NCK1: variants seen among roughly 807,000 people sequenced by gnomAD.
The protein encoded by NCK1 is NCK adaptor protein 1, also known as SH2/SH3 adapter protein NCK1.
NCK1 carries 19 observed loss-of-function variants against 36.6 expected under a neutral mutation model. That is an observed-to-expected ratio of 0.52 (90% CI 0.36 to 0.76). The LOEUF (loss-of-function observed/expected upper bound fraction) is 0.76, where lower values mean the gene tolerates loss of function less well. NCK1 is among the 30% of genes least tolerant of loss of function. NCK1 has a pLI of 0.00. For synonymous variants in NCK1, 165 were observed against 156.0 expected (o/e 1.06, Z -0.43); for missense variants, 358 against 445.6 (o/e 0.80, Z 1.77).
intron 2 of NCK1, among the ~76,000 whole-genome samples, chr3:136,929,349 A>G (rs945955147): frequency 4.6e-5 from 7 of 152,236 alleles, no homozygotes; most frequent in African/African-American, 1.7e-4. Context: ...AAAATATAGT[A>G]CAATTTGGAG....
At chr3:136,898,332 G>A (rs1939442402) in intron 1 of NCK1, among the ~76,000 whole-genome samples, 1 of 150,528 alleles carries the variant, frequency 6.6e-6, no homozygotes, top group Non-Finnish European at 1.5e-5. Flanking sequence ...GGGAGGCGGA[G>A]GTTCCAGTGA....
chr3:136,906,044 C>T (rs1298934570), intron 1 of NCK1, among the ~76,000 whole-genome samples: 1 of 152,156 alleles, frequency 6.6e-6, no homozygotes, highest in Non-Finnish European at 1.5e-5. Flanking sequence ...TCTGGTGTAA[C>T]AGTTGCTCCT....
chr3:136,931,825 A>T (rs1940397725), intron 2 of NCK1, among the ~76,000 whole-genome samples: 2 of 152,190 alleles, frequency 1.3e-5, no homozygotes, highest in South Asian at 4.1e-4. Flanking sequence ...ATGACATAAA[A>T]AGAATCCATT....
At chr3:136,864,221 G>A (rs556711699) in intron 1 of NCK1, among the ~76,000 whole-genome samples, 1 of 151,976 alleles carries the variant, frequency 6.6e-6, no homozygotes, top group East Asian at 1.9e-4. Context: ...GGCCGGGCTC[G>A]GTGGCTCACG....
intron 1 of NCK1, among the ~76,000 whole-genome samples, chr3:136,863,472 A>G (rs1480050835): frequency 6.6e-6 from 1 of 151,690 alleles, no homozygotes; most frequent in Non-Finnish European, 1.5e-5. Context: ...TTTTTAAAAC[A>G]CTTAATTTTC....
At chr3:136,915,927 C>T (rs1473333464) in intron 1 of NCK1, among the ~76,000 whole-genome samples, 3 of 152,114 alleles carry the variant, frequency 2.0e-5, no homozygotes, top group Non-Finnish European at 4.4e-5. Flanking sequence ...GGTTTCACCA[C>T]GTTGGCCATG....
intron 1 of NCK1, among the ~76,000 whole-genome samples, chr3:136,920,491 TA>T (rs1322718519): frequency 2.0e-5 from 3 of 152,116 alleles, no homozygotes; most frequent in African/African-American, 7.2e-5. Context: ...AGTTTGCTCT[TA>T]AAAAAACCTC....
intron 1 of NCK1, among the ~76,000 whole-genome samples, chr3:136,906,241 T>G (rs549157834): frequency 6.6e-6 from 1 of 152,092 alleles, no homozygotes; most frequent in Non-Finnish European, 1.5e-5. Context: ...AGATTGTGGT[T>G]GTTAGTGGAG....
In NCK1 at chr3:136,950,660, G is replaced by A. The variant is rs1940948452; in HGVS notation, c.*2207G>A. On this transcript the variant is annotated 3_prime_UTR_variant, in exon 4 of 4. Transcript: ENST00000481752. Reference sequence around the variant, plus strand: ...ACATAGCTAGATAGTAACAATACTTGTATAAGAAACCAAGTTTCCTTATTC... The same window carrying A: ...ACATAGCTAGATAGTAACAATACTTATATAAGAAACCAAGTTTCCTTATTC... Among the ~76,000 whole-genome samples the A allele has an allele frequency of 6.6e-6, 1 of 152,104 alleles. No homozygotes were observed. The highest frequency in any genetic ancestry group is 1.5e-5 in the Non-Finnish European group (1 of 67,976).
At chr3:136,881,136 T>C (rs1441088360) in intron 1 of NCK1, among the ~76,000 whole-genome samples, 1 of 152,174 alleles carries the variant, frequency 6.6e-6, no homozygotes, top group African/African-American at 2.4e-5. Context: ...AAATACATCT[T>C]GAAGTCTTCT....
At chr3:136,899,658 A>T in intron 1 of NCK1, 2 of 725,842 alleles carry the variant, frequency 2.8e-6, no homozygotes, top group South Asian at 1.4e-5. Context: ...TTTCTTAGTA[A>T]TCTTATCCAA....
intron 1 of NCK1, among the ~76,000 whole-genome samples, chr3:136,906,734 T>G (rs1939696281): frequency 2.0e-5 from 3 of 152,280 alleles, no homozygotes; most frequent in Admixed American, 2.0e-4. Flanking sequence ...TGTGATGGAC[T>G]GGACAGGCCA....
At chr3:136,891,788 G>T (rs4678272) in intron 1 of NCK1, among the ~76,000 whole-genome samples, 103,191 of 151,498 alleles carry the variant, frequency 0.68, 35,404 homozygotes, top group East Asian at 0.87. Context: ...ATTTTTCTAA[G>T]GGATGGTGAT....
chr3:136,898,738 G>C (rs1398758115), intron 1 of NCK1, among the ~76,000 whole-genome samples: 2 of 152,230 alleles, frequency 1.3e-5, no homozygotes, highest in East Asian at 3.8e-4. Context: ...ACGTTAAGGT[G>C]CTATAAACTA....
In NCK1 at chr3:136,950,163, A is replaced by G. The variant is rs1186992714; in HGVS notation, c.*1710A>G. Among the ~76,000 whole-genome samples the G allele has an allele frequency of 2.0e-5, 3 of 152,164 alleles. No individual in the cohort carries two copies. The highest frequency in any genetic ancestry group is 4.4e-5 in the Non-Finnish European group (3 of 67,976). ...AACTTTAAATTGTTGTAGGATGACT[A>G]GTAGTAAACATCATCTTAATTTTTA... On this transcript the variant is annotated 3_prime_UTR_variant, in exon 4 of 4. Transcript: ENST00000481752.
chr3:136,897,390 C>A (rs1209051994), intron 1 of NCK1, among the ~76,000 whole-genome samples: 6 of 152,080 alleles, frequency 3.9e-5, no homozygotes, highest in Non-Finnish European at 7.4e-5. Context: ...CCACACCTGG[C>A]CTTTTTTGTT....
chr3:136,907,500 T>G (rs1046284587), intron 1 of NCK1, among the ~76,000 whole-genome samples: 6 of 152,166 alleles, frequency 3.9e-5, no homozygotes, highest in African/African-American at 1.4e-4. Context: ...TGAGGGCTTC[T>G]CCCATGGCTA....
At position 136,923,881 on chromosome 3, in the gene NCK1, ACT is replaced by A. The variant is rs1940176473; in HGVS notation, c.-18-4100_-18-4099del. Among the ~76,000 whole-genome samples, 10 of 152,278 alleles carry A rather than the reference ACT, an allele frequency of 6.6e-5. No homozygotes were observed. The South Asian group carries it at 2.1e-3, about 32-fold the overall frequency. On this transcript the variant is annotated intron_variant, in intron 1 of 3. Transcript: ENST00000481752. Reference sequence around the variant, plus strand: ...CAAAAAATGAAAACAAGTGAGCCTAACTCTACGTCCAGTTGGTGTCATAACCA... The same window carrying A: ...CAAAAAATGAAAACAAGTGAGCCTAACTACGTCCAGTTGGTGTCATAACCA...
intron 1 of NCK1, among the ~76,000 whole-genome samples, chr3:136,879,997 A>AAAAAAAAAC (rs1318795019): frequency 2.7e-5 from 4 of 149,022 alleles, no homozygotes; most frequent in Non-Finnish European, 6.0e-5. Flanking sequence ...ATTAAAAAAA[A>AAAAAAAAAC]AAAAAGGCTG....
Sources: allele counts gnomAD v4.1 joint callset (sites outside exome capture counted in the v4.1 genomes callset), GRCh38; gene constraint gnomAD v4.1.1; transcripts MANE v1.5; gene names NCBI Gene and HGNC (gene_info 2026-07-23, HGNC 2026-07-21).